The following CCDC30 variants were observed in gnomAD, a reference collection of about 807,000 sequenced individuals.
CCDC30 encodes the protein coiled-coil domain-containing protein 30.
A neutral mutation model predicts 100.2 loss-of-function variants in CCDC30; 70 were observed. The observed-to-expected ratio is 0.70, with a 90% CI of 0.58 to 0.85. CCDC30 has a LOEUF of 0.85. Among genes scored for constraint, CCDC30 ranks in the 40% least tolerant of loss-of-function variants. The probability of loss-of-function intolerance (pLI) is 0.00; values close to 1 mark genes in which losing one functional copy is unlikely to be tolerated. For synonymous variants in CCDC30, 233 were observed against 269.5 expected, an observed-to-expected ratio of 0.86 and a Z score of 1.33; for missense variants, 652 against 771.2, an observed-to-expected ratio of 0.85 and a Z score of 1.83.
exon 8 of CCDC30, chr1:42,577,118 C>T (rs571405961): frequency 6.2e-7 from 1 of 1,613,916 alleles, no homozygotes; most frequent in Admixed American, 1.7e-5. Context: ...AGCAGAAAAT[C>T]AAGGAACTGG....
At chr1:42,531,628 G>A (rs923155764) in intron 6 of CCDC30, among the ~76,000 whole-genome samples, 15 of 152,036 alleles carry the variant, frequency 9.9e-5, no homozygotes, top group African/African-American at 3.1e-4. Flanking sequence ...TAGGCGTGGC[G>A]GCGCATGCCT....
intron 9 of CCDC30, among the ~76,000 whole-genome samples, chr1:42,589,037 A>C (rs561722210): frequency 3.9e-5 from 6 of 152,204 alleles, no homozygotes; most frequent in African/African-American, 1.4e-4. Context: ...TTCGAGCCCT[A>C]CCTCCACTTT....
chr1:42,577,250 T>A, intron 8 of CCDC30, 21 bp downstream of exon 12: 1 of 1,487,078 alleles, frequency 6.7e-7, no homozygotes, highest in Non-Finnish European at 9.4e-7. Context: ...TCATGCTTAA[T>A]AAACAGCATA....
At position 42,593,237 on chromosome 1, in the gene CCDC30, C is replaced by T. The variant is rs561384414; in HGVS notation, c.1164+3754C>T. ...ATAAATCAGAGGTCCCCACAACCCT[C>T]TCCTTGGGTTTGATCTTTTTGTAGG... On this transcript the variant is annotated intron_variant, in intron 10 of 16. Transcript: ENST00000668663. 4 of 152,338 alleles carry T rather than the reference C, an allele frequency of 2.6e-5. No individual in the cohort carries two copies. In the South Asian group the frequency reaches 8.3e-4, roughly 32 times the overall value. 9.4% of individuals were successfully genotyped at this position (152,338 alleles called of 1,614,324 possible).
At chr1:42,645,478 G>T (rs1311370842) in intron 14 of CCDC30, among the ~76,000 whole-genome samples, 4 of 151,960 alleles carry the variant, frequency 2.6e-5, no homozygotes, top group African/African-American at 9.7e-5. Flanking sequence ...TCAGCAAGAG[G>T]GACTTCAATG....
At chr1:42,552,238 A>T (rs1247097415) in intron 6 of CCDC30, among the ~76,000 whole-genome samples, 1 of 152,214 alleles carries the variant, frequency 6.6e-6, no homozygotes, top group Non-Finnish European at 1.5e-5. Context: ...ATAAAAATGT[A>T]AAATGGCATT....
At chr1:42,564,343 G>T (rs1436019384) in intron 6 of CCDC30, among the ~76,000 whole-genome samples, 1 of 152,040 alleles carries the variant, frequency 6.6e-6, no homozygotes, top group Non-Finnish European at 1.5e-5. Flanking sequence ...TTGAGACAGA[G>T]TCTCTGTCAC....
chr1:42,644,830 G>C, intron 14 of CCDC30, 23 bp downstream of exon 18: 1 of 1,461,644 alleles, frequency 6.8e-7, no homozygotes, highest in Admixed American at 1.7e-5. Flanking sequence ...CTTCCTATTG[G>C]GCCTGCCTTT....
chr1:42,589,671 T>C (rs943097001), intron 10 of CCDC30, 188 bp downstream of exon 14: 30 of 500,036 alleles, frequency 6.0e-5, no homozygotes, highest in South Asian at 1.3e-4. Context: ...TACAAAACAG[T>C]TGGAAGGGAC....
At chr1:42,641,836 CA>C (rs1454408071) in intron 12 of CCDC30, among the ~76,000 whole-genome samples, 1 of 151,870 alleles carries the variant, frequency 6.6e-6, no homozygotes, top group African/African-American at 2.4e-5. Context: ...GCCTGGGCAA[CA>C]AAGCAAGACT....
At chr1:42,459,642 G>T, upstream of CCDC30, 1 of 1,614,040 alleles carries the variant, frequency 6.2e-7, no homozygotes, top group East Asian at 2.2e-5. Flanking sequence ...TTCTCCTTTG[G>T]TTAAAGATTG....
At chr1:42,456,124 G>A in the CCDC30 span, 2 of 731,892 alleles carry the variant, frequency 2.7e-6, no homozygotes, top group African/African-American at 3.5e-5. Context: ...GGCGGGACGT[G>A]ACTCGACTAA....
intron 6 of CCDC30, among the ~76,000 whole-genome samples, chr1:42,503,204 G>C (rs1644346980): frequency 1.3e-5 from 2 of 152,120 alleles, no homozygotes; most frequent in South Asian, 4.1e-4. Context: ...TGGCATTGTT[G>C]TCAGGGGTAA....
chr1:42,498,799 G>T lies in CCDC30; in HGVS notation c.358-19G>T. ...ACAAAAATTGAGAAGTCTACAAGGT[G>T]TTTACTTTTGTATTTAAGGTTGAAA... On this transcript the variant is annotated intron_variant, in intron 5 of 16. Transcript: ENST00000668663. The T allele has an allele frequency of 8.5e-7, 1 of 1,182,498 alleles. No individual in the cohort carries two copies. The highest frequency in any genetic ancestry group is 1.1e-6 in the Non-Finnish European group (1 of 941,014). 73.3% of individuals were successfully genotyped at this position (1,182,498 alleles called of 1,614,324 possible). A position where few individuals can be genotyped will look rare whatever the true frequency, so the allele number is the denominator to read the frequency against.
chr1:42,589,995 G>A (rs952085941), intron 10 of CCDC30: 2 of 152,566 alleles, frequency 1.3e-5, no homozygotes, highest in South Asian at 2.1e-4. Context: ...CATCATTGGA[G>A]GTGGGGCTTA....
At chr1:42,457,315 G>C in the CCDC30 span, 1 of 1,614,206 alleles carries the variant, frequency 6.2e-7, no homozygotes, top group South Asian at 1.1e-5. Context: ...TGAAATGCCT[G>C]AACACAAGAT....
intron 6 of CCDC30, chr1:42,537,270 A>G (rs1258744188): frequency 4.4e-6 from 2 of 456,038 alleles, no homozygotes; most frequent in Admixed American, 2.4e-5. Context: ...ATCAGCCTAT[A>G]TTATGAAAAG....
At chr1:42,555,608 A>G (rs1196433512) in intron 6 of CCDC30, among the ~76,000 whole-genome samples, 2 of 152,216 alleles carry the variant, frequency 1.3e-5, no homozygotes, top group African/African-American at 4.8e-5. Context: ...TTAAACTGGC[A>G]GTTTGGCTGT....
intron 10 of CCDC30, among the ~76,000 whole-genome samples, chr1:42,598,684 C>T (rs1646341210): frequency 6.6e-6 from 1 of 151,790 alleles, no homozygotes; most frequent in Non-Finnish European, 1.5e-5. Context: ...TTTAAATGTA[C>T]CAATTAAAAG....
Sources: allele counts gnomAD v4.1 joint callset (sites outside exome capture counted in the v4.1 genomes callset), GRCh38; gene constraint gnomAD v4.1.1; transcripts MANE v1.5; gene names NCBI Gene and HGNC (gene_info 2026-07-23, HGNC 2026-07-21).